CMTR1: variants seen among roughly 807,000 people sequenced by gnomAD.
CMTR1 encodes cap-specific mRNA (nucleoside-2'-O-)-methyltransferase 1.
CMTR1 carries 39 observed loss-of-function variants against 107.0 expected under a neutral mutation model. The observed-to-expected ratio is 0.36, with a 90% CI of 0.28 to 0.48. The LOEUF (loss-of-function observed/expected upper bound fraction) is 0.48, where lower values mean the gene tolerates loss of function less well. Ranked by LOEUF, CMTR1 falls within the 20% of genes least tolerant of loss-of-function variation. The pLI is 0.99. For synonymous variants in CMTR1, 366 were observed against 379.5 expected, an observed-to-expected ratio of 0.96 and a Z score of 0.41; for missense variants, 672 against 1,064.9, an observed-to-expected ratio of 0.63 and a Z score of 5.14.
At chr6:37,453,850 G>A (rs1046612879) in intron 8 of CMTR1, among the ~76,000 whole-genome samples, 2 of 152,136 alleles carry the variant, frequency 1.3e-5, no homozygotes, top group South Asian at 2.1e-4. Context: ...GAAATGAGCC[G>A]TACTAACCTG....
At chr6:37,436,169 T>G in intron 2 of CMTR1, 2 of 158,394 alleles carry the variant, frequency 1.3e-5, no homozygotes, top group East Asian at 1.9e-4. Flanking sequence ...TTTGCATGCA[T>G]ACCGTTTTCT....
At chr6:37,443,676 G>A (rs1035302158) in intron 2 of CMTR1, among the ~76,000 whole-genome samples, 1 of 152,080 alleles carries the variant, frequency 6.6e-6, no homozygotes, top group Non-Finnish European at 1.5e-5. Context: ...TTTCAAATAC[G>A]TTATTTCATT....
At chr6:37,454,871 C>T (rs1761257631) in intron 8 of CMTR1, among the ~76,000 whole-genome samples, 1 of 152,064 alleles carries the variant, frequency 6.6e-6, no homozygotes, top group South Asian at 2.1e-4. Context: ...ACAGCCAAGC[C>T]CCACAGGCTT....
Position 37,481,080 on chromosome 6 carries a change from C to T in CMTR1, c.*935C>T. On this transcript the variant is annotated 3_prime_UTR_variant, in exon 24 of 24. Transcript: ENST00000373451. ...GCAGAATTCTGAGCTTGAAGTGCAG[C>T]TCCCTTACTACCCTTTCCCTTCCTT... The T allele has an allele frequency of 1.5e-6, 2 of 1,304,298 alleles. No homozygotes were observed. The highest frequency in any genetic ancestry group is 2.0e-6 in the Non-Finnish European group (2 of 988,956). The allele number at this position is 1,304,298 out of a possible 1,614,324, so 80.8% of individuals were successfully genotyped here. A position where few individuals can be genotyped will look rare whatever the true frequency, so the allele number is the denominator to read the frequency against.
At position 37,481,464 on chromosome 6, in the gene CMTR1, G is replaced by A; in HGVS notation, c.*1319G>A. On this transcript the variant is annotated 3_prime_UTR_variant, in exon 24 of 24. Coordinates refer to ENST00000373451, the MANE Select transcript of CMTR1 (RefSeq NM_015050.3). ...TCCACCCAATTCTGGGTATATCAGT[G>A]TGTCTTGCAGAATCTTGGATCATTA... 1 of 1,132,082 alleles carries A rather than the reference G, an allele frequency of 8.8e-7. No individual in the cohort carries two copies. The highest frequency in any genetic ancestry group is 1.1e-6 in the Non-Finnish European group (1 of 914,260). The allele number at this position is 1,132,082 out of a possible 1,614,324, so 70.1% of individuals were successfully genotyped here. A position where few individuals can be genotyped will look rare whatever the true frequency, so the allele number is the denominator to read the frequency against.
At chr6:37,435,820 G>GTC in intron 2 of CMTR1, 58 bp downstream of exon 2, 2 of 1,520,850 alleles carry the variant, frequency 1.3e-6, no homozygotes, top group South Asian at 2.7e-5. Context: ...AACACACAGT[G>GTC]TCTAATCTAG....
At chr6:37,473,173 A>G (rs1761664292) in intron 16 of CMTR1, among the ~76,000 whole-genome samples, 1 of 152,162 alleles carries the variant, frequency 6.6e-6, no homozygotes, top group African/African-American at 2.4e-5. Context: ...TTGAAGGGGC[A>G]GCTTTTATAT....
In CMTR1 at chr6:37,459,627, G is replaced by C; in HGVS notation, c.1038G>C (p.Arg346=). Residue 346 remains arginine (R), a synonymous_variant, in exon 10 of 24, where the codon CGG becomes CGC. Coordinates refer to ENST00000373451, the MANE Select transcript of CMTR1 (RefSeq NM_015050.3). ...GCCCAGAGAACATCTCTGCTTTTCG[G>C]AATTTTGTCCTGGATAACACAGATC... ...ITRPENISAF[R]NFVLDNTDRK... The C allele has an allele frequency of 6.2e-7, 1 of 1,614,170 alleles. No individual in the cohort carries two copies. The highest frequency in any genetic ancestry group is 8.5e-7 in the Non-Finnish European group (1 of 1,180,024).
intron 13 of CMTR1, among the ~76,000 whole-genome samples, chr6:37,464,333 G>A (rs1329069073): frequency 7.2e-5 from 11 of 152,036 alleles, no homozygotes; most frequent in African/African-American, 2.7e-4. Context: ...CAGGCGTGGT[G>A]GCGGGCGCCT....
intron 2 of CMTR1, among the ~76,000 whole-genome samples, chr6:37,437,950 G>A (rs901636317): frequency 7.9e-5 from 12 of 152,136 alleles, no homozygotes; most frequent in African/African-American, 2.7e-4. Flanking sequence ...AGTGTATAAG[G>A]GTAAGGATCC....
Position 37,450,245 on chromosome 6 carries a change from T to C in CMTR1, c.445-6T>C. ...TCTGTCTTACTAGCCTCTCTTTTGT[T>C]TGCAGCCCAGTGCTTGTGAGCAGGT... On this transcript the variant is annotated splice_polypyrimidine_tract_variant and splice_region_variant and intron_variant, in intron 4 of 23. Coordinates refer to ENST00000373451, the MANE Select transcript of CMTR1 (RefSeq NM_015050.3). The C allele has an allele frequency of 1.2e-6, 2 of 1,613,414 alleles. No individual in the cohort carries two copies. The highest frequency in any genetic ancestry group is 1.7e-6 in the Non-Finnish European group (2 of 1,179,418).
chr6:37,478,064 C>T (rs1199122008), intron 21 of CMTR1, among the ~76,000 whole-genome samples: 1 of 152,166 alleles, frequency 6.6e-6, no homozygotes, highest in Non-Finnish European at 1.5e-5. Context: ...CAGTCTCCTT[C>T]TGGGTGTGCT....
upstream of CMTR1, among the ~76,000 whole-genome samples, chr6:37,432,814 C>A (rs1023835386): frequency 1.3e-5 from 2 of 152,196 alleles, no homozygotes; most frequent in Non-Finnish European, 2.9e-5. Flanking sequence ...TCTGTCCTCC[C>A]GTCCTTCGTT....
rs1056923993 is a variant in CMTR1 at position 37,433,260 on chromosome 6, C to G, written c.-124C>G. ...GAGCGCGACGGTGCGGCTGGCGGAC[C>G]CGGGCTGGCTTGTGGGGAAACGAAA... is the stretch of plus-strand genomic sequence containing the variant. On this transcript the variant is annotated 5_prime_UTR_variant, in exon 1 of 24. Coordinates refer to ENST00000373451, the MANE Select transcript of CMTR1 (RefSeq NM_015050.3). The G allele has an allele frequency of 2.0e-5, 3 of 153,512 alleles. No individual in the cohort carries two copies. Among genetic ancestry groups the G allele is most frequent in the African/African-American group, 7.2e-5 (3 of 41,594 alleles). 9.5% of individuals were successfully genotyped at this position (153,512 alleles called of 1,614,324 possible).
chr6:37,464,290 C>T (rs939630805), intron 13 of CMTR1, among the ~76,000 whole-genome samples: 1 of 151,724 alleles, frequency 6.6e-6, no homozygotes, highest in Non-Finnish European at 1.5e-5. Context: ...ACGGTGAAAC[C>T]CCATCTCTAC....
Position 37,463,059 on chromosome 6 carries a change from C to T in CMTR1, c.1505+51C>T, listed in dbSNP as rs775276885. 3.0e-5 allele frequency: 46 copies of T among 1,554,556 alleles called. No homozygotes were observed. The East Asian group carries it at 9.9e-4, about 33-fold the overall frequency. ...GGTAACACTGAGGTCCTAAGGAAGACCAGAGAGTGAAAGACTGAATGGTTG... is the reference window on the plus strand; with the variant it reads ...GGTAACACTGAGGTCCTAAGGAAGATCAGAGAGTGAAAGACTGAATGGTTG... On this transcript the variant is annotated intron_variant, in intron 13 of 23. Transcript: ENST00000373451.
In CMTR1 at chr6:37,466,108, G is replaced by GTT. The variant is rs747910111; in HGVS notation, c.1505+3104_1505+3105dup. Among the ~76,000 whole-genome samples the GTT allele has an allele frequency of 3.3e-3, 415 of 127,652 alleles. 28 individuals are homozygous for GTT. The highest frequency in any genetic ancestry group is 5.2e-3 in the Middle Eastern group (1 of 194). The allele number at this position is 127,652 out of a possible 152,430, so 83.7% of individuals were successfully genotyped here. A position where few individuals can be genotyped will look rare whatever the true frequency, so the allele number is the denominator to read the frequency against. On this transcript the variant is annotated intron_variant, in intron 13 of 23. Coordinates refer to ENST00000373451, the MANE Select transcript of CMTR1 (RefSeq NM_015050.3). The stretch of plus-strand genomic sequence containing the variant: ...CTCTATGTTTTTAAAGAGTTTTACA[G>GTT]TTTTTGTTTTTTTTTTTTTTTTTGA...
upstream of CMTR1, among the ~76,000 whole-genome samples, chr6:37,429,954 A>G (rs1382927895): frequency 1.3e-5 from 2 of 152,186 alleles, no homozygotes; most frequent in African/African-American, 4.8e-5. Context: ...TAATAAAAAA[A>G]AAAAAAGAAT....
intron 13 of CMTR1, among the ~76,000 whole-genome samples, chr6:37,466,041 T>C (rs542458520): frequency 6.6e-6 from 1 of 151,986 alleles, no homozygotes; most frequent in Non-Finnish European, 1.5e-5. Context: ...TTTGGTGTTA[T>C]ATGCAGGAAA....
Sources: gnomAD v4.1 joint callset for allele counts (sites outside exome capture counted in the v4.1 genomes callset) on GRCh38, gnomAD v4.1.1 for gene constraint, MANE v1.5 for transcripts, NCBI Gene and HGNC (gene_info 2026-07-23, HGNC 2026-07-21) for gene names.